The following CYP7B1 variants were observed in gnomAD, a reference collection of about 807,000 sequenced individuals.
CYP7B1 encodes the protein cytochrome P450 7B1.
A neutral mutation model predicts 42.7 loss-of-function variants in CYP7B1; 29 were observed. The observed-to-expected ratio is 0.68, with a 90% CI of 0.51 to 0.93. The LOEUF (loss-of-function observed/expected upper bound fraction) is 0.93, where lower values mean the gene tolerates loss of function less well. Ranked by LOEUF, CYP7B1 falls within the 40% of genes least tolerant of loss-of-function variation. The pLI is 0.00. For missense variants in CYP7B1, 655 were observed against 600.5 expected (o/e 1.09, Z -0.95); for synonymous variants, 235 against 218.2 (o/e 1.08, Z -0.68).
At chr8:64,698,281 G>A (rs931582087) in intron 1 of CYP7B1, among the ~76,000 whole-genome samples, 2 of 152,090 alleles carry the variant, frequency 1.3e-5, no homozygotes, top group Non-Finnish European at 2.9e-5. Context: ...AGATCACGTT[G>A]GCATGGTGTT....
At chr8:64,663,824 C>T (rs984580112) in intron 1 of CYP7B1, among the ~76,000 whole-genome samples, 3 of 152,210 alleles carry the variant, frequency 2.0e-5, no homozygotes, top group Admixed American at 6.5e-5. Context: ...CATCTGGCAA[C>T]ACCACGCGTC....
At chr8:64,677,887 G>A (rs1474686162) in intron 1 of CYP7B1, among the ~76,000 whole-genome samples, 1 of 151,938 alleles carries the variant, frequency 6.6e-6, no homozygotes, top group Non-Finnish European at 1.5e-5. Context: ...TTACTGAGGA[G>A]TCAGATTCAG....
At chr8:64,631,091 A>G (rs571158769) in intron 1 of CYP7B1, among the ~76,000 whole-genome samples, 1 of 152,230 alleles carries the variant, frequency 6.6e-6, no homozygotes, top group Non-Finnish European at 1.5e-5. Context: ...TGAGGCCAGC[A>G]TTACCCTAAT....
At chr8:64,654,270 C>A (rs1024431194) in intron 1 of CYP7B1, among the ~76,000 whole-genome samples, 1 of 152,158 alleles carries the variant, frequency 6.6e-6, no homozygotes, top group Admixed American at 6.6e-5. Context: ...ATCTAGAAAA[C>A]CTTATAGTCT....
chr8:64,694,698 T>C (rs1391378046), intron 1 of CYP7B1, among the ~76,000 whole-genome samples: 1 of 152,226 alleles, frequency 6.6e-6, no homozygotes, highest in East Asian at 1.9e-4. Flanking sequence ...ATTTTTACTG[T>C]ATTTTGTGGA....
At chr8:64,617,363 C>G (rs1341122544) in intron 2 of CYP7B1, among the ~76,000 whole-genome samples, 1 of 152,076 alleles carries the variant, frequency 6.6e-6, no homozygotes, top group East Asian at 1.9e-4. Context: ...TGGCAGAGAC[C>G]TTGGAGAATT....
At chr8:64,759,048 G>A (rs572583897) in intron 1 of CYP7B1, among the ~76,000 whole-genome samples, 2 of 152,280 alleles carry the variant, frequency 1.3e-5, no homozygotes, top group South Asian at 4.1e-4. Flanking sequence ...CTGCTGTACT[G>A]TGAGAAAAGG....
intron 2 of CYP7B1, among the ~76,000 whole-genome samples, chr8:64,616,720 G>GT (rs925621403): frequency 2.6e-5 from 4 of 152,174 alleles, no homozygotes; most frequent in African/African-American, 7.2e-5. Flanking sequence ...TGTCATCTGA[G>GT]TTTTGTTCAA....
At chr8:64,632,936 G>C (rs146957308) in intron 1 of CYP7B1, among the ~76,000 whole-genome samples, 1 of 152,062 alleles carries the variant, frequency 6.6e-6, no homozygotes. Context: ...AGAAAGGAAG[G>C]GGGGCGGGGA....
At chr8:64,787,141 C>G (rs1804541313) in intron 1 of CYP7B1, among the ~76,000 whole-genome samples, 1 of 152,258 alleles carries the variant, frequency 6.6e-6, no homozygotes, top group Non-Finnish European at 1.5e-5. Flanking sequence ...TGAAGGTCTC[C>G]AACGCCCTGC....
chr8:64,623,791 A>C (rs1805566448), intron 2 of CYP7B1, among the ~76,000 whole-genome samples: 1 of 152,216 alleles, frequency 6.6e-6, no homozygotes, highest in Admixed American at 6.5e-5. Flanking sequence ...TAGGTGGAGC[A>C]CAGGAAATTT....
chr8:64,798,597 G>C lies in CYP7B1; in HGVS notation c.-10C>G. On this transcript the variant is annotated 5_prime_UTR_variant, in exon 1 of 6. Transcript: ENST00000310193. ...ACACTTCTCCTGCCATCCGGCGCGC[G>C]CTAGGCCGCGGTGGGCAGCCCGGGG... 5.5e-6 allele frequency: 8 copies of C among 1,457,786 alleles called. No homozygotes were observed. Among genetic ancestry groups the C allele is most frequent in the Non-Finnish European group, 7.2e-6 (8 of 1,114,614 alleles). 90.3% of individuals were successfully genotyped at this position (1,457,786 alleles called of 1,614,324 possible). A position where few individuals can be genotyped will look rare whatever the true frequency, so the allele number is the denominator to read the frequency against.
chr8:64,625,556 A>C (rs1805597328), intron 1 of CYP7B1, among the ~76,000 whole-genome samples: 2 of 152,236 alleles, frequency 1.3e-5, no homozygotes, highest in African/African-American at 2.4e-5. Context: ...GTCATGTTAT[A>C]AATGCTGCTT....
intron 1 of CYP7B1, among the ~76,000 whole-genome samples, chr8:64,738,712 C>A (rs1807526390): frequency 6.6e-6 from 1 of 152,142 alleles, no homozygotes; most frequent in African/African-American, 2.4e-5. Flanking sequence ...AACAATTTTT[C>A]TTGGAAGCTT....
intron 4 of CYP7B1, among the ~76,000 whole-genome samples, chr8:64,609,729 A>T (rs182479326): frequency 2.8e-4 from 42 of 152,330 alleles, no homozygotes; most frequent in African/African-American, 9.6e-4. Flanking sequence ...TTTTGAAATA[A>T]TATCACTATT....
At chr8:64,740,909 A>T (rs1194949789) in intron 1 of CYP7B1, among the ~76,000 whole-genome samples, 1 of 152,114 alleles carries the variant, frequency 6.6e-6, no homozygotes, top group East Asian at 1.9e-4. Context: ...TAAATGGCAA[A>T]TTTTTTCAAT....
In CYP7B1 at chr8:64,783,504, G is replaced by A. The variant is rs191593163; in HGVS notation, c.122+14962C>T. ...GGGGAGTATAATGATATGTATGTCG[G>A]GTGAGAGGGCTGAAAGAGAGAAAAA... On this transcript the variant is annotated intron_variant, in intron 1 of 5. Transcript: ENST00000310193. 2.2e-3 allele frequency among the ~76,000 whole-genome samples: 336 copies of A among 151,462 alleles called. 1 individual carries two copies. The highest frequency in any genetic ancestry group is 7.6e-3 in the African/African-American group (314 of 41,292).
At chr8:64,712,259 G>C (rs1807091885) in intron 1 of CYP7B1, among the ~76,000 whole-genome samples, 1 of 151,090 alleles carries the variant, frequency 6.6e-6, no homozygotes, top group African/African-American at 2.4e-5. Context: ...CAAAATTATA[G>C]ATCCATCAGC....
At chr8:64,788,667 T>G (rs1159449299) in intron 1 of CYP7B1, among the ~76,000 whole-genome samples, 1 of 152,256 alleles carries the variant, frequency 6.6e-6, no homozygotes, top group African/African-American at 2.4e-5. Context: ...TTACTTGTTT[T>G]TATTCATCTT....
Sources: allele counts gnomAD v4.1 joint callset (sites outside exome capture counted in the v4.1 genomes callset), GRCh38; gene constraint gnomAD v4.1.1; transcripts MANE v1.5; gene names NCBI Gene and HGNC (gene_info 2026-07-23, HGNC 2026-07-21).